Variants in UBR4 observed in about 807,000 individuals in gnomAD.
UBR4 encodes the protein ubiquitin protein ligase E3 component n-recognin 4, also known as E3 ubiquitin-protein ligase UBR4.
A neutral mutation model predicts 575.6 loss-of-function variants in UBR4; 124 were observed. The observed-to-expected ratio is 0.22, with a 90% CI of 0.19 to 0.25. The LOEUF (loss-of-function observed/expected upper bound fraction) is 0.25. Among genes scored for constraint, UBR4 ranks in the 10% least tolerant of loss-of-function variants. The pLI, the probability that UBR4 is intolerant of heterozygous loss-of-function variation, is 1.00. For synonymous variants in UBR4, 2,455 were observed against 2,473.7 expected, an observed-to-expected ratio of 0.99 and a Z score of 0.22; for missense variants, 4,818 against 6,478.8, an observed-to-expected ratio of 0.74 and a Z score of 8.80.
In UBR4 at chr1:19,192,170, AATCAAGTAGAC is replaced by A; in HGVS notation, c.1394+7_1394+17del. On this transcript the variant is annotated splice_region_variant and intron_variant, in intron 11 of 105. Transcript: ENST00000375254. Reference sequence around the variant, plus strand: ...CGAAATAAAACAAAATATAAGTTATAATCAAGTAGACACATACCCTTTTCCAGGCCCCAGTT... The same window carrying A: ...CGAAATAAAACAAAATATAAGTTATAACATACCCTTTTCCAGGCCCCAGTT... 6.2e-7 allele frequency: 1 copy of A among 1,600,506 alleles called. No individual in the cohort carries two copies. The highest frequency in any genetic ancestry group is 8.5e-7 in the Non-Finnish European group (1 of 1,174,578).
intron 55 of UBR4, among the ~76,000 whole-genome samples, chr1:19,143,401 T>C (rs1370062602): frequency 6.6e-6 from 1 of 152,230 alleles, no homozygotes; most frequent in East Asian, 1.9e-4. Flanking sequence ...AATTCTGTTA[T>C]TCAGACACCT....
chr1:19,128,366 A>G (rs1487024170), intron 61 of UBR4, 48 bp from the exon 62 acceptor site: 1 of 1,527,486 alleles, frequency 6.5e-7, no homozygotes, highest in Non-Finnish European at 9.1e-7. Context: ...CTAAAGAAGA[A>G]CGACTTGAAA....
intron 65 of UBR4, among the ~76,000 whole-genome samples, chr1:19,123,765 C>T (rs1370775545): frequency 6.6e-6 from 1 of 152,130 alleles, no homozygotes; most frequent in African/African-American, 2.4e-5. Flanking sequence ...ACTCAAAATC[C>T]TCATCTGAGG....
chr1:19,089,959 T>C lies in UBR4; in HGVS notation c.14212-982A>G, dbSNP rs1166654585. On this transcript the variant is annotated intron_variant, in intron 97 of 105. Coordinates refer to ENST00000375254, the MANE Select transcript of UBR4 (RefSeq NM_020765.3). The surrounding 1 kb of genome is among the most constrained non-coding windows in gnomAD (Gnocchi z 4.3). Reference sequence around the variant, plus strand: ...TTTACTGTGTGTGCATGCTTGCACATGTGTGTTTTCGGTGCTGGGAAAACA... The same window carrying C: ...TTTACTGTGTGTGCATGCTTGCACACGTGTGTTTTCGGTGCTGGGAAAACA... 2.0e-5 allele frequency among the ~76,000 whole-genome samples: 3 copies of C among 152,260 alleles called. No homozygotes were observed. Among genetic ancestry groups the C allele is most frequent in the African/African-American group, 7.2e-5 (3 of 41,468 alleles).
intron 3 of UBR4, 66 bp from the exon 4 acceptor site, chr1:19,198,994 C>T (rs1444845984): frequency 8.3e-6 from 13 of 1,559,546 alleles, no homozygotes; most frequent in Non-Finnish European, 1.1e-5. Context: ...AAATTCTACT[C>T]TTTTGGAAAT....
Position 19,084,833 on chromosome 1 carries a change from G to A in UBR4, c.14814-135C>T, listed in dbSNP as rs12066883. On this transcript the variant is annotated intron_variant, in intron 101 of 105. Transcript: ENST00000375254. ...TTGCAAACGGAGACAAGAATACAAG[G>A]GAAAGTTGAGGCCAAGGCTGGGGCC... The A allele has an allele frequency of 2.3e-3, 1,943 of 833,356 alleles. 29 individuals carry two copies. In the African/African-American group the frequency reaches 0.03, roughly 13 times the overall value. The allele number at this position is 833,356 out of a possible 1,614,324, so 51.6% of individuals were successfully genotyped here. A position where few individuals can be genotyped will look rare whatever the true frequency, so the allele number is the denominator to read the frequency against.
intron 35 of UBR4, 116 bp downstream of exon 35, chr1:19,162,304 C>T (rs996479293): frequency 1.3e-5 from 17 of 1,300,368 alleles, no homozygotes; most frequent in Admixed American, 2.5e-5. Context: ...CTGGCAGCAA[C>T]AAGGACTAGG....
intron 38 of UBR4, 90 bp downstream of exon 38, chr1:19,160,827 C>T (rs2087223057): frequency 1.6e-6 from 2 of 1,250,210 alleles, no homozygotes; most frequent in Admixed American, 4.0e-5. Context: ...AAATGAGTTG[C>T]AAGGGGAGCC....
Position 19,156,411 on chromosome 1 carries a change from GC to G in UBR4, c.5931del (p.Leu1978SerfsTer38). 1 of 1,614,080 alleles carries G rather than the reference GC, an allele frequency of 6.2e-7. No homozygotes were observed. The highest frequency in any genetic ancestry group is 1.7e-5 in the Admixed American group (1 of 60,006). ...ACAGAGCCTGAGCTACTAAAGGTGAGCACATGACAGTCCTGGACAATGTTTA... is the reference window on the plus strand; with the variant it reads ...ACAGAGCCTGAGCTACTAAAGGTGAGACATGACAGTCCTGGACAATGTTTA... Reference protein sequence around the residue: ...LAVCGLKDCHVLTFSSSGSVS... With the variant: ...LAVCGLKDCHXLTFSSSGSVS... On this transcript the variant is annotated frameshift_variant, in exon 42 of 106. Transcript: ENST00000375254. LOFTEE classifies it high-confidence loss of function.
In UBR4 at chr1:19,174,982, T is replaced by A. The variant is rs369533177; in HGVS notation, c.2825A>T (p.Glu942Val). Reference protein sequence around the residue: ...FYCVLSPEASEDDLNRLDSVA... With the variant: ...FYCVLSPEASVDDLNRLDSVA... ...AGAATCAAGTCGGTTCAAATCATCC[T>A]CTGAGGCTTCTGGGGACAGGACACA... The change falls in exon 21 of 106, where the codon GAG becomes GTG. Residue 942 changes from glutamate (E) to valine (V), a missense_variant. By Grantham distance (121) the Glu-to-Val change is moderately radical. Coordinates refer to ENST00000375254, the MANE Select transcript of UBR4 (RefSeq NM_020765.3). 4.1e-5 allele frequency: 66 copies of A among 1,614,022 alleles called. No homozygotes were observed. In the East Asian group the frequency reaches 1.3e-3, roughly 33 times the overall value.
Position 19,162,345 on chromosome 1 carries a change from C to G in UBR4, c.4956+75G>C, listed in dbSNP as rs1999967. The G allele has an allele frequency of 1.1e-5, 16 of 1,505,602 alleles. No individual in the cohort carries two copies. In the Middle Eastern group the frequency reaches 1.0e-3, roughly 94 times the overall value. 93.3% of individuals were successfully genotyped at this position (1,505,602 alleles called of 1,614,324 possible). A position where few individuals can be genotyped will look rare whatever the true frequency, so the allele number is the denominator to read the frequency against. ...TTGAAGCTCACAGGAGGCTGGAAAA[C>G]AGAGCCAAAAGCTTGGTACCATGCC... On this transcript the variant is annotated intron_variant, in intron 35 of 105. Transcript: ENST00000375254.
rs745957112 is a variant in UBR4, at chr1:19,092,828, A to C, written c.14202T>G (p.Pro4734=). The C allele has an allele frequency of 1.2e-6, 2 of 1,611,816 alleles. No homozygotes were observed. Among genetic ancestry groups the C allele is most frequent in the African/African-American group, 2.7e-5 (2 of 74,926 alleles). The change falls in exon 97 of 106, where the codon CCT becomes CCG. Residue 4734 remains proline, a synonymous_variant. Transcript: ENST00000375254. The stretch of plus-strand genomic sequence containing the variant: ...TGTCCTGGCTACCCACCTGGGTGCC[A>C]GGGTGCTGGATGGCCAGGCCCCGAA... The part of the protein sequence containing the change: ...RLLRGLAIQH[P]GTQVLIGTDS...
chr1:19,080,655 TAG>T (rs1234976163), intron 103 of UBR4: 3 of 152,140 alleles, frequency 2.0e-5, no homozygotes, highest in African/African-American at 7.2e-5. Flanking sequence ...CCAGGAAAGG[TAG>T]AGACTGTGTG....
At chr1:19,162,835 C>CTT (rs1197042711) in intron 34 of UBR4, among the ~76,000 whole-genome samples, 8 of 152,138 alleles carry the variant, frequency 5.3e-5, no homozygotes, top group African/African-American at 1.9e-4. Flanking sequence ...TTCTTAGGCA[C>CTT]AAAGACAGCT....
intron 89 of UBR4, 24 bp from the exon 90 acceptor site, chr1:19,099,701 T>C: frequency 1.9e-6 from 3 of 1,603,464 alleles, no homozygotes; most frequent in Non-Finnish European, 2.6e-6. Flanking sequence ...CAGGTGAAGC[T>C]GTTGTTCCAA....
chr1:19,145,707 AGCTAAT>A, intron 53 of UBR4, 80 bp downstream of exon 53: 2 of 1,465,358 alleles, frequency 1.4e-6, no homozygotes, highest in Non-Finnish European at 1.8e-6. Context: ...GAAGAATGAA[AGCTAAT>A]GGCTAACGGT....
At chr1:19,195,567 C>T (rs868569140) in intron 8 of UBR4, among the ~76,000 whole-genome samples, 2 of 151,988 alleles carry the variant, frequency 1.3e-5, no homozygotes, top group African/African-American at 4.8e-5. Context: ...AATAAATAAA[C>T]CCCAAATTTA....
At position 19,112,738 on chromosome 1, in the gene UBR4, C is replaced by A; in HGVS notation, c.11587G>T (p.Gly3863Cys). The A allele has an allele frequency of 6.2e-7, 1 of 1,614,194 alleles. No homozygotes were observed. The highest frequency in any genetic ancestry group is 8.5e-7 in the Non-Finnish European group (1 of 1,180,026). Residue 3863 changes from glycine (G) to cysteine (C), a missense_variant, in exon 78 of 106, where the codon GGC becomes TGC. Transcript: ENST00000375254. Reference protein sequence around the residue: ...ASQYRALSVLGCGHTSSTKCY... With the variant: ...ASQYRALSVLCCGHTSSTKCY... ...TTGGTGGAGGATGTGTGGCCACAGCCCAGGACGGATAAGGCACGGTACTGG... is the reference window on the plus strand; with the variant it reads ...TTGGTGGAGGATGTGTGGCCACAGCACAGGACGGATAAGGCACGGTACTGG...
intron 77 of UBR4, 168 bp downstream of exon 77, chr1:19,113,531 T>C (rs910640816): frequency 2.9e-5 from 28 of 950,112 alleles, no homozygotes; most frequent in African/African-American, 2.5e-4. Context: ...TAAATCACGG[T>C]GGGGGAGATG....
Sources: allele counts gnomAD v4.1 joint callset (sites outside exome capture counted in the v4.1 genomes callset), GRCh38; gene constraint gnomAD v4.1.1; non-coding constraint Gnocchi (gnomAD v3.1); transcripts MANE v1.5; gene names NCBI Gene and HGNC (gene_info 2026-07-23, HGNC 2026-07-21).